Variants in SAP130 observed in about 807,000 individuals in gnomAD.
The protein encoded by SAP130 is Sin3A associated protein 130.
Under a neutral mutation model 103.2 loss-of-function variants are expected in SAP130, and 16 were observed. That is an observed-to-expected ratio of 0.16 (90% CI 0.10 to 0.24). The LOEUF (loss-of-function observed/expected upper bound fraction) is 0.24, where lower values mean the gene tolerates loss of function less well. Among genes scored for constraint, SAP130 ranks in the 10% least tolerant of loss-of-function variants. SAP130 has a pLI of 1.00. For missense variants in SAP130, 990 were observed against 1,359.7 expected, an observed-to-expected ratio of 0.73 and a Z score of 4.28; for synonymous variants, 477 against 497.0, an observed-to-expected ratio of 0.96 and a Z score of 0.53.
At chr2:128,010,244 C>A in intron 7 of SAP130, 25 bp downstream of exon 7, 2 of 1,594,478 alleles carry the variant, frequency 1.3e-6, no homozygotes, top group South Asian at 1.1e-5. Flanking sequence ...CAGGAAGGTT[C>A]AAACTTCATA....
In SAP130 at chr2:127,955,336, G is replaced by A. The variant is rs1475105685; in HGVS notation, c.2072C>T (p.Pro691Leu). 2.6e-6 allele frequency: 4 copies of A among 1,553,902 alleles called. No homozygotes were observed. Among genetic ancestry groups the A allele is most frequent in the Non-Finnish European group, 1.7e-6 (2 of 1,146,724 alleles). ...SGSPRPAGAKPKSEIHVSMAT... is the reference protein window; with the variant it reads ...SGSPRPAGAKLKSEIHVSMAT... Reference sequence around the variant, plus strand: ...CATAGACACGTGGATTTCAGACTTGGGTTTGGCACTAAAACACAAAAGAAA... The same window carrying A: ...CATAGACACGTGGATTTCAGACTTGAGTTTGGCACTAAAACACAAAAGAAA... The change falls in exon 16 of 21, where the codon CCC (proline) becomes CTC (leucine). Residue 691 changes from proline to leucine, a missense_variant. Around this residue, in one of 6 missense-constraint regions of SAP130, gnomAD observed 349 missense variants for 384.1 expected, o/e 0.91. Transcript: ENST00000643581. This position sits in a 1 kb window ranked among gnomAD's most constrained non-coding sequence, Gnocchi z 4.9.
At chr2:127,987,653 C>G (rs1195923880) in intron 13 of SAP130, among the ~76,000 whole-genome samples, 1 of 152,014 alleles carries the variant, frequency 6.6e-6, no homozygotes, top group Non-Finnish European at 1.5e-5. Flanking sequence ...GATAAGAAAA[C>G]TGACAGACAA....
intron 2 of SAP130, among the ~76,000 whole-genome samples, chr2:128,025,450 T>C (rs1356430456): frequency 1.3e-5 from 2 of 152,212 alleles, no homozygotes; most frequent in Admixed American, 6.5e-5. Flanking sequence ...TCTATGTGTA[T>C]ACAATCAGCC....
chr2:128,006,515 T>C (rs993901405), intron 7 of SAP130, among the ~76,000 whole-genome samples: 1 of 152,150 alleles, frequency 6.6e-6, no homozygotes, highest in Admixed American at 6.5e-5. Flanking sequence ...TGGCTCACAA[T>C]TGTAATCCCA....
rs748267748 is a variant in SAP130 at position 127,989,876 on chromosome 2, AT to A, written c.1478-11del. 3 of 1,610,032 alleles carry A rather than the reference AT, an allele frequency of 1.9e-6. No individual in the cohort carries two copies. The African/African-American group carries it at 4.0e-5, about 22-fold the overall frequency. On this transcript the variant is annotated splice_polypyrimidine_tract_variant and intron_variant, in intron 12 of 20. Coordinates refer to ENST00000643581, the MANE Select transcript of SAP130 (RefSeq NM_001330301.2). The surrounding 1 kb of genome is among the most constrained non-coding windows in gnomAD (Gnocchi z 4.6). ...GGAGCCTGAGCTGAAACTAAAAATG[AT>A]GCGAAAGGTAACTATAAGAAGGTTA...
At chr2:127,948,229 A>G (rs977192178) in intron 18 of SAP130, among the ~76,000 whole-genome samples, 3 of 150,442 alleles carry the variant, frequency 2.0e-5, no homozygotes, top group African/African-American at 7.3e-5. Context: ...TGTTTAGACT[A>G]TTTACATTTA....
At chr2:127,979,048 A>G (rs905646730) in intron 14 of SAP130, among the ~76,000 whole-genome samples, 4 of 152,220 alleles carry the variant, frequency 2.6e-5, no homozygotes, top group Admixed American at 1.3e-4. Flanking sequence ...GGATCTCAAG[A>G]TAAGAGATTC....
Position 127,986,298 on chromosome 2 carries a change from G to A in SAP130, c.1958+487C>T, listed in dbSNP as rs1682384176. 6.6e-6 allele frequency among the ~76,000 whole-genome samples: 1 copy of A among 152,224 alleles called. No homozygotes were observed. The highest frequency in any genetic ancestry group is 1.5e-5 in the Non-Finnish European group (1 of 68,036). On this transcript the variant is annotated intron_variant, in intron 14 of 20. Transcript: ENST00000643581. The surrounding 1 kb of genome is among the most constrained non-coding windows in gnomAD (Gnocchi z 4.7). Reference sequence around the variant, plus strand: ...ACTGCTGTAGGGTTGGAGCGACACAGCCTGCCTGTCTGTATGCTCCCCTAG... The same window carrying A: ...ACTGCTGTAGGGTTGGAGCGACACAACCTGCCTGTCTGTATGCTCCCCTAG...
chr2:127,974,579 C>T (rs1195503690), intron 15 of SAP130, among the ~76,000 whole-genome samples: 7 of 152,070 alleles, frequency 4.6e-5, no homozygotes, highest in East Asian at 3.9e-4. Flanking sequence ...TTGGGGAGGC[C>T]GAGGTGGGTG....
chr2:127,951,539 G>C (rs926662663), intron 16 of SAP130, among the ~76,000 whole-genome samples: 1 of 152,102 alleles, frequency 6.6e-6, no homozygotes, highest in Non-Finnish European at 1.5e-5. Context: ...CTGTTCATCC[G>C]ACCATGTTCC....
chr2:127,969,955 C>T (rs1330547832), intron 15 of SAP130, among the ~76,000 whole-genome samples: 2 of 152,144 alleles, frequency 1.3e-5, no homozygotes, highest in African/African-American at 4.8e-5. Flanking sequence ...TTAGGCCAGA[C>T]GCAGTGGCTC....
chr2:128,010,819 G>A lies in SAP130; in HGVS notation c.745-426C>T, dbSNP rs187757288. 2.3e-4 allele frequency among the ~76,000 whole-genome samples: 35 copies of A among 149,956 alleles called. No homozygotes were observed. In the East Asian group the frequency reaches 4.3e-3, roughly 19 times the overall value. On this transcript the variant is annotated intron_variant, in intron 6 of 20. Transcript: ENST00000643581. ...GCAGAGGTTGCAGTGAGCCAAGACC[G>A]CACCATTGCGCTCCAGCTTGAGCAA...
chr2:128,007,855 C>T (rs1367929798), intron 7 of SAP130, among the ~76,000 whole-genome samples: 3 of 152,158 alleles, frequency 2.0e-5, no homozygotes, highest in Non-Finnish European at 4.4e-5. Flanking sequence ...TTGATCACTC[C>T]TAAACCCATT....
At chr2:128,021,977 C>T (rs1044753414) in intron 2 of SAP130, among the ~76,000 whole-genome samples, 11 of 152,208 alleles carry the variant, frequency 7.2e-5, no homozygotes, top group African/African-American at 2.4e-4. Flanking sequence ...GTACAATTTA[C>T]ATATAAAATT....
chr2:128,011,026 T>A (rs1684355134), intron 6 of SAP130, among the ~76,000 whole-genome samples: 1 of 151,750 alleles, frequency 6.6e-6, no homozygotes, highest in Non-Finnish European at 1.5e-5. Flanking sequence ...GGAGTCAAAA[T>A]TCTGCCCTAC....
At position 127,996,337 on chromosome 2, in the gene SAP130, C is replaced by T. The variant is rs777242484; in HGVS notation, c.1355+13G>A. On this transcript the variant is annotated intron_variant, in intron 11 of 20. Coordinates refer to ENST00000643581, the MANE Select transcript of SAP130 (RefSeq NM_001330301.2). The surrounding 1 kb of genome is among the most constrained non-coding windows in gnomAD (Gnocchi z 4.3). ...ACACAGTGAGGCAGAATAACTGACA[C>T]ACAGCCTCCTACCTGTTGTCACTTC... The T allele has an allele frequency of 1.3e-6, 2 of 1,582,522 alleles. No individual in the cohort carries two copies. The highest frequency in any genetic ancestry group is 2.3e-5 in the East Asian group (1 of 43,508).
intron 14 of SAP130, among the ~76,000 whole-genome samples, chr2:127,979,195 A>AT (rs1681687358): frequency 6.6e-6 from 1 of 152,214 alleles, no homozygotes; most frequent in Non-Finnish European, 1.5e-5. Flanking sequence ...GGAGGCAGAG[A>AT]TTGGGGTGCT....
At chr2:128,027,437 G>C (rs1184050165) in intron 1 of SAP130, 6 of 1,112,606 alleles carry the variant, frequency 5.4e-6, no homozygotes, top group Admixed American at 5.1e-5. Context: ...AATCAGGCGC[G>C]AGCCTGGCCG....
At chr2:127,954,347 A>G (rs1559035821) in intron 16 of SAP130, among the ~76,000 whole-genome samples, 1 of 152,208 alleles carries the variant, frequency 6.6e-6, no homozygotes, top group African/African-American at 2.4e-5. Context: ...CAGAGCACAA[A>G]TAACTTGCTT....
Sources: gnomAD v4.1 joint callset for allele counts (sites outside exome capture counted in the v4.1 genomes callset) on GRCh38, gnomAD v4.1.1 for gene constraint, gnomAD v4.1.1 regional missense constraint, Gnocchi (gnomAD v3.1) non-coding constraint, MANE v1.5 for transcripts, NCBI Gene and HGNC (gene_info 2026-07-23, HGNC 2026-07-21) for gene names.